FGGY: variants seen among roughly 807,000 people sequenced by gnomAD.
FGGY encodes FGGY carbohydrate kinase domain-containing protein.
In FGGY, 72 loss-of-function variants were observed where a neutral mutation model predicts 71.3. The ratio of observed to expected loss-of-function variants is 1.01; its 90% CI spans 0.84 to 1.23. The LOEUF is 1.23. Ranked by LOEUF, FGGY falls within the 50% of genes most tolerant of loss-of-function variation. FGGY has a pLI of 0.00. For synonymous variants in FGGY, 251 were observed against 250.3 expected, an observed-to-expected ratio of 1.00 and a Z score of -0.02; for missense variants, 668 against 682.3, an observed-to-expected ratio of 0.98 and a Z score of 0.23.
At chr1:59,304,070 G>C (rs2043122370) in intron 1 of FGGY, among the ~76,000 whole-genome samples, 1 of 152,010 alleles carries the variant, frequency 6.6e-6, no homozygotes, top group South Asian at 2.1e-4. Context: ...TTCCTTTGCT[G>C]TGCAGAAACT....
chr1:59,414,044 T>G (rs1325438498), intron 5 of FGGY, among the ~76,000 whole-genome samples: 1 of 152,192 alleles, frequency 6.6e-6, no homozygotes, highest in Non-Finnish European at 1.5e-5. Flanking sequence ...AGTAGGAAAT[T>G]ATTAGAATAA....
At chr1:59,381,628 CGTGT>C (rs113981398) in intron 5 of FGGY, among the ~76,000 whole-genome samples, 8,770 of 143,218 alleles carry the variant, frequency 0.061, 459 homozygotes, top group African/African-American at 0.15. Flanking sequence ...ATGTATAACT[CGTGT>C]GTGTGTGTGT....
chr1:59,590,503 C>T (rs1046384634), intron 8 of FGGY, among the ~76,000 whole-genome samples: 5 of 152,112 alleles, frequency 3.3e-5, no homozygotes, highest in Non-Finnish European at 7.4e-5. Context: ...AATTTTAGAC[C>T]AATATCCTTG....
At chr1:59,304,381 A>T (rs915419205) in intron 1 of FGGY, among the ~76,000 whole-genome samples, 1 of 152,082 alleles carries the variant, frequency 6.6e-6, no homozygotes, top group African/African-American at 2.4e-5. Context: ...AGTTGATTGT[A>T]TATGAGTAGT....
chr1:59,751,138 A>G (rs1268379137), intron 14 of FGGY, among the ~76,000 whole-genome samples: 1 of 152,208 alleles, frequency 6.6e-6, no homozygotes, highest in African/African-American at 2.4e-5. Flanking sequence ...TTCTGGTTTT[A>G]CTACATAATG....
At chr1:59,384,700 A>T (rs955509657) in intron 5 of FGGY, among the ~76,000 whole-genome samples, 10 of 152,154 alleles carry the variant, frequency 6.6e-5, no homozygotes, top group Admixed American at 5.9e-4. Flanking sequence ...AACCTGGAGC[A>T]AATTATTTAC....
chr1:59,555,286 G>A (rs941016699), intron 8 of FGGY, among the ~76,000 whole-genome samples: 8 of 152,176 alleles, frequency 5.3e-5, no homozygotes, highest in Non-Finnish European at 7.3e-5. Flanking sequence ...AATATGCGAG[G>A]TATTCTTGCA....
intron 5 of FGGY, among the ~76,000 whole-genome samples, chr1:59,431,954 A>G (rs2067449797): frequency 6.6e-6 from 1 of 152,190 alleles, no homozygotes; most frequent in South Asian, 2.1e-4. Flanking sequence ...TAACTTCAGA[A>G]TGGGAGTTGG....
chr1:59,415,426 G>GAA (rs1229885910), intron 5 of FGGY, among the ~76,000 whole-genome samples: 9 of 152,128 alleles, frequency 5.9e-5, no homozygotes, highest in Non-Finnish European at 1.3e-4. Flanking sequence ...AAATATGTTA[G>GAA]TACTGCCTTC....
At chr1:59,468,563 G>A (rs1386713946) in intron 6 of FGGY, among the ~76,000 whole-genome samples, 2 of 152,116 alleles carry the variant, frequency 1.3e-5, no homozygotes, top group South Asian at 4.1e-4. Context: ...TTGTCATGTA[G>A]GCTAAAAATT....
At chr1:59,610,414 C>A (rs1311705516) in intron 9 of FGGY, among the ~76,000 whole-genome samples, 1 of 152,174 alleles carries the variant, frequency 6.6e-6, no homozygotes, top group East Asian at 1.9e-4. Flanking sequence ...AGATCTCATG[C>A]CTTTTTATGA....
At chr1:59,743,810 C>T (rs148670416) in intron 14 of FGGY, among the ~76,000 whole-genome samples, 56 of 152,336 alleles carry the variant, frequency 3.7e-4, no homozygotes, top group Non-Finnish European at 7.5e-4. Context: ...CAAGAAGCTT[C>T]TACAACTTTT....
At chr1:59,385,572 A>G (rs1269511847) in intron 5 of FGGY, among the ~76,000 whole-genome samples, 1 of 152,174 alleles carries the variant, frequency 6.6e-6, no homozygotes, top group Non-Finnish European at 1.5e-5. Context: ...TTTTGATGAC[A>G]TGAGAAATGG....
chr1:59,707,191 A>G (rs575044729), intron 14 of FGGY, among the ~76,000 whole-genome samples: 1 of 152,316 alleles, frequency 6.6e-6, no homozygotes, highest in Admixed American at 6.5e-5. Flanking sequence ...CTCTTAAAAC[A>G]GTTTTGTTGG....
chr1:59,439,679 G>A (rs7547860), intron 5 of FGGY, among the ~76,000 whole-genome samples: 2,085 of 152,254 alleles, frequency 0.014, 47 homozygotes, highest in African/African-American at 0.048. Context: ...CTTTCATAAA[G>A]ATGAAAAGCA....
intron 11 of FGGY, 110 bp downstream of exon 11, chr1:59,638,485 AGCCCTCTGGCTTTGTGCAGAT>A: frequency 2.3e-6 from 3 of 1,314,708 alleles, no homozygotes; most frequent in Non-Finnish European, 3.2e-6. Context: ...ACAGGCCAAC[AGCCCTCTGGCTTTGTGCAGAT>A]GCATTGCTGT....
chr1:59,466,880 A>G (rs1264554993), intron 6 of FGGY, among the ~76,000 whole-genome samples: 1 of 152,216 alleles, frequency 6.6e-6, no homozygotes, highest in African/African-American at 2.4e-5. Context: ...GTGGACAAAT[A>G]GGAACACTTT....
At chr1:59,484,654 TA>T (rs2093605362) in intron 6 of FGGY, among the ~76,000 whole-genome samples, 1 of 152,302 alleles carries the variant, frequency 6.6e-6, no homozygotes, top group African/African-American at 2.4e-5. Context: ...GATTTGGTAA[TA>T]AAAAGTACTC....
At chr1:59,517,059 G>A (rs1418769308) in intron 7 of FGGY, among the ~76,000 whole-genome samples, 1 of 152,130 alleles carries the variant, frequency 6.6e-6, no homozygotes, top group Non-Finnish European at 1.5e-5. Flanking sequence ...CCAGCAGACA[G>A]TCAGAAGATA....
Sources: gnomAD v4.1 joint callset for allele counts (sites outside exome capture counted in the v4.1 genomes callset) on GRCh38, gnomAD v4.1.1 for gene constraint, MANE v1.5 for transcripts, NCBI Gene and HGNC (gene_info 2026-07-23, HGNC 2026-07-21) for gene names.